Variants in KL observed in about 807,000 individuals in gnomAD.
The protein encoded by KL is klotho, also known as alpha-klotho.
KL carries 62 observed loss-of-function variants against 84.2 expected under a neutral mutation model. The observed-to-expected ratio is 0.74, with a 90% CI of 0.60 to 0.91. KL has a LOEUF of 0.91. Among genes scored for constraint, KL ranks in the 40% least tolerant of loss-of-function variants. The pLI is 0.00. For missense variants in KL, 1,261 were observed against 1,305.7 expected (o/e 0.97, Z 0.53); for synonymous variants, 528 against 528.0 (o/e 1.00, Z 0.00).
At chr13:33,031,444 T>A (rs1870969571) in intron 1 of KL, among the ~76,000 whole-genome samples, 2 of 150,988 alleles carry the variant, frequency 1.3e-5, no homozygotes, top group African/African-American at 4.9e-5. Context: ...ATTGAAAAAA[T>A]CACATATAGA....
chr13:33,020,404 A>T (rs1870533269), intron 1 of KL, among the ~76,000 whole-genome samples: 1 of 151,770 alleles, frequency 6.6e-6, no homozygotes, highest in Non-Finnish European at 1.5e-5. Context: ...CTCTGTCTAG[A>T]TTCACTCCAG....
At chr13:33,041,293 A>G (rs1871331297) in intron 1 of KL, among the ~76,000 whole-genome samples, 2 of 152,018 alleles carry the variant, frequency 1.3e-5, no homozygotes. Flanking sequence ...CACACTGTTC[A>G]TACATTCTCC....
Position 33,065,606 on chromosome 13 carries a change from A to T in KL, c.*1420A>T, listed in dbSNP as rs901346084. Reference sequence around the variant, plus strand: ...CTTTAGAGGTATGATTTTTTCATGAAAGATAAGCTTTTGGTAATATTCATT... The same window carrying T: ...CTTTAGAGGTATGATTTTTTCATGATAGATAAGCTTTTGGTAATATTCATT... On this transcript the variant is annotated 3_prime_UTR_variant, in exon 5 of 5. Transcript: ENST00000380099. 1 of 181,194 alleles carries T rather than the reference A, an allele frequency of 5.5e-6. No homozygotes were observed. The highest frequency in any genetic ancestry group is 1.2e-5 in the Non-Finnish European group (1 of 84,600). The allele number at this position is 181,194 out of a possible 1,614,324, so 11.2% of individuals were successfully genotyped here.
At chr13:33,056,889 T>A (rs922027634) in intron 3 of KL, among the ~76,000 whole-genome samples, 2 of 152,120 alleles carry the variant, frequency 1.3e-5, no homozygotes, top group African/African-American at 4.8e-5. Flanking sequence ...TCCCTCCTGC[T>A]CGGTGTGCAA....
rs1385636641 is a variant in KL, at chr13:33,060,746, G to A, written c.1667G>A (p.Arg556Lys). ...VYLWDVHHSK[R>K]LIKVDGVVTK... ...CTGTGGGATGTCCACCACAGTAAAA[G>A]GCTTATTAAAGTGGATGGGGTTGTG... The change falls in exon 4 of 5, where the codon AGG (arginine) becomes AAG (lysine). Residue 556 changes from arginine to lysine, a missense_variant. Coordinates refer to ENST00000380099, the MANE Select transcript of KL (RefSeq NM_004795.4). The A allele has an allele frequency of 1.2e-6, 2 of 1,614,056 alleles. No individual in the cohort carries two copies. Among genetic ancestry groups the A allele is most frequent in the Non-Finnish European group, 1.7e-6 (2 of 1,180,046 alleles).
chr13:33,059,513 C>T (rs1290303096), intron 3 of KL, among the ~76,000 whole-genome samples: 4 of 151,912 alleles, frequency 2.6e-5, no homozygotes, highest in African/African-American at 9.7e-5. Context: ...CGCTCTGTCA[C>T]TCAGGCTGGA....
At position 33,044,651 on chromosome 13, in the gene KL, T is replaced by C. The variant is rs545301234; in HGVS notation, c.820-9116T>C. The stretch of plus-strand genomic sequence containing the variant: ...ATGCAATTGATTTTCTTTTTTTTTT[T>C]TTTTTTTTTTTTTTTTTGAGACAGA... On this transcript the variant is annotated intron_variant, in intron 1 of 4. Transcript: ENST00000380099. Among the ~76,000 whole-genome samples the C allele has an allele frequency of 3.7e-3, 351 of 95,838 alleles. 1 individual carries two copies. Among genetic ancestry groups the C allele is most frequent in the African/African-American group, 0.014 (333 of 23,202 alleles). The allele number at this position is 95,838 out of a possible 152,430, so 62.9% of individuals were successfully genotyped here.
chr13:33,020,933 T>C (rs528880316), intron 1 of KL, among the ~76,000 whole-genome samples: 1 of 152,342 alleles, frequency 6.6e-6, no homozygotes, highest in South Asian at 2.1e-4. Context: ...ACACGCTCCC[T>C]TGGGCCCCAT....
chr13:33,057,403 G>T (rs1872004326), intron 3 of KL, among the ~76,000 whole-genome samples: 1 of 152,178 alleles, frequency 6.6e-6, no homozygotes, highest in Non-Finnish European at 1.5e-5. Flanking sequence ...TTCCTTGAGG[G>T]AGAAGAGAAA....
intron 1 of KL, among the ~76,000 whole-genome samples, chr13:33,043,485 G>C (rs1426928441): frequency 6.6e-6 from 1 of 152,204 alleles, no homozygotes; most frequent in African/African-American, 2.4e-5. Context: ...CTCCCAAATT[G>C]CTGGGATTAT....
Position 33,064,908 on chromosome 13 carries a change from T to C in KL, c.*722T>C, listed in dbSNP as rs183407162. 2,335 of 228,490 alleles carry C rather than the reference T, an allele frequency of 0.01. 19 individuals carry two copies. Among genetic ancestry groups the C allele is most frequent in the Non-Finnish European group, 0.014 (1,648 of 115,154 alleles). 14.2% of individuals were successfully genotyped at this position (228,490 alleles called of 1,614,324 possible). On this transcript the variant is annotated 3_prime_UTR_variant, in exon 5 of 5. Transcript: ENST00000380099. ...TGAGGGCCTTGCACATAGGAAACTT[T>C]TGATAAGTATCTGCGGAAAAACAAA...
At position 33,064,482 on chromosome 13, in the gene KL, C is replaced by A. The variant is rs1441611398; in HGVS notation, c.*296C>A. The A allele has an allele frequency of 6.5e-6, 2 of 307,374 alleles. No individual in the cohort carries two copies. Among genetic ancestry groups the A allele is most frequent in the African/African-American group, 2.1e-5 (1 of 47,084 alleles). The allele number at this position is 307,374 out of a possible 1,614,324, so 19.0% of individuals were successfully genotyped here. Reference sequence around the variant, plus strand: ...AAAAATAGGAACCACACCAATGCAACATTTGTGCAGAAATTTGAATGACAA... The same window carrying A: ...AAAAATAGGAACCACACCAATGCAAAATTTGTGCAGAAATTTGAATGACAA... On this transcript the variant is annotated 3_prime_UTR_variant, in exon 5 of 5. Coordinates refer to ENST00000380099, the MANE Select transcript of KL (RefSeq NM_004795.4).
intron 1 of KL, among the ~76,000 whole-genome samples, chr13:33,047,493 C>T (rs570755976): frequency 6.6e-6 from 1 of 152,166 alleles, no homozygotes; most frequent in East Asian, 1.9e-4. Context: ...GCTGGGATTA[C>T]AGGCACCTGT....
intron 1 of KL, among the ~76,000 whole-genome samples, chr13:33,028,028 A>C (rs1162922929): frequency 2.0e-5 from 3 of 152,208 alleles, no homozygotes; most frequent in Non-Finnish European, 4.4e-5. Context: ...TTCAGTTGGC[A>C]CTGTGGGTCT....
chr13:33,016,383 CGGGG>C, upstream of KL: 1 of 183,488 alleles, frequency 5.4e-6, no homozygotes, highest in Non-Finnish European at 9.7e-6. Flanking sequence ...GCGGGCGCGG[CGGGG>C]CGCGGGCATA....
intron 1 of KL, among the ~76,000 whole-genome samples, chr13:33,044,770 C>A (rs1255702776): frequency 6.6e-6 from 1 of 150,778 alleles, no homozygotes; most frequent in African/African-American, 2.4e-5. Context: ...CTCACCTCAG[C>A]CTCCCAAGTA....
chr13:33,031,629 G>C (rs1308386290), intron 1 of KL, among the ~76,000 whole-genome samples: 2 of 151,950 alleles, frequency 1.3e-5, no homozygotes, highest in Admixed American at 6.6e-5. Context: ...GGAAAATAAG[G>C]GAAGAAAATG....
intron 3 of KL, among the ~76,000 whole-genome samples, chr13:33,058,142 A>G (rs1566508710): frequency 6.6e-6 from 1 of 152,144 alleles, no homozygotes; most frequent in Non-Finnish European, 1.5e-5. Flanking sequence ...TGAACTCACT[A>G]TGTAGTGAGG....
chr13:33,061,464 G>A lies in KL; in HGVS notation c.2385G>A (p.Lys795=). The A allele has an allele frequency of 6.2e-7, 1 of 1,614,160 alleles. No individual in the cohort carries two copies. Residue 795 remains lysine (K), a synonymous_variant, in exon 4 of 5, where the codon AAG becomes AAA. Coordinates refer to ENST00000380099, the MANE Select transcript of KL (RefSeq NM_004795.4). ...LLPYFTEDEK[K]LIQGTFDFLA... is the part of the protein sequence containing the mutation. ...CTTATTTCACTGAAGATGAAAAAAAGCTAATCCAGGGTACCTTTGACTTTT... is the reference window on the plus strand; with the variant it reads ...CTTATTTCACTGAAGATGAAAAAAAACTAATCCAGGGTACCTTTGACTTTT...
Sources: gnomAD v4.1 joint callset for allele counts (sites outside exome capture counted in the v4.1 genomes callset) on GRCh38, gnomAD v4.1.1 for gene constraint, MANE v1.5 for transcripts, NCBI Gene and HGNC (gene_info 2026-07-23, HGNC 2026-07-21) for gene names.